The following LRP1B variants were observed in gnomAD, a reference collection of about 807,000 sequenced individuals.
LRP1B encodes LDL receptor related protein 1B.
LRP1B carries 217 observed loss-of-function variants against 556.6 expected under a neutral mutation model. The observed-to-expected ratio is 0.39, with a 90% CI of 0.35 to 0.44. The LOEUF is 0.44. LRP1B is among the 20% of genes least tolerant of loss of function. The pLI is 1.00. For synonymous variants in LRP1B, 2,047 were observed against 1,865.8 expected (o/e 1.10, Z -2.50); for missense variants, 5,053 against 5,620.8 (o/e 0.90, Z 3.23).
chr2:141,400,882 G>A (rs916600585), intron 3 of LRP1B, among the ~76,000 whole-genome samples: 1 of 152,076 alleles, frequency 6.6e-6, no homozygotes, highest in Admixed American at 6.6e-5. Flanking sequence ...CCATAATGTG[G>A]TCCGTGTTTA....
rs139002097 is a variant in LRP1B, at chr2:141,628,674, G to A, written c.206-148141C>T. On this transcript the variant is annotated intron_variant, in intron 2 of 90. Coordinates refer to ENST00000389484, the MANE Select transcript of LRP1B (RefSeq NM_018557.3). Reference sequence around the variant, plus strand: ...AGTTTCTAATTTTTTTTTGAAATAGGGTCTCACTCTGTCACCCAGGCTGGA... The same window carrying A: ...AGTTTCTAATTTTTTTTTGAAATAGAGTCTCACTCTGTCACCCAGGCTGGA... 1.7e-3 allele frequency among the ~76,000 whole-genome samples: 262 copies of A among 151,886 alleles called. 1 individual carries two copies. The highest frequency in any genetic ancestry group is 6.0e-3 in the African/African-American group (249 of 41,440).
intron 2 of LRP1B, among the ~76,000 whole-genome samples, chr2:141,746,650 A>G (rs1693924159): frequency 6.6e-6 from 1 of 152,108 alleles, no homozygotes; most frequent in Admixed American, 6.6e-5. Flanking sequence ...ATGCAGAAAA[A>G]AAAAACACCT....
intron 2 of LRP1B, among the ~76,000 whole-genome samples, chr2:141,642,847 T>C (rs1689391132): frequency 6.6e-6 from 1 of 152,164 alleles, no homozygotes; most frequent in African/African-American, 2.4e-5. Flanking sequence ...AAGGTCCATT[T>C]TGTAGCGAGT....
chr2:141,952,922 TAGA>T (rs1348921730), intron 1 of LRP1B, among the ~76,000 whole-genome samples: 1 of 152,152 alleles, frequency 6.6e-6, no homozygotes, highest in African/African-American at 2.4e-5. Flanking sequence ...TTGAGCTGTC[TAGA>T]AGATTTTTTA....
chr2:141,388,631 T>C (rs62165753), intron 3 of LRP1B, among the ~76,000 whole-genome samples: 4,966 of 152,188 alleles, frequency 0.033, 117 homozygotes, highest in Non-Finnish European at 0.049. Flanking sequence ...ACACTTCTGC[T>C]GAATGTTGTA....
intron 20 of LRP1B, among the ~76,000 whole-genome samples, chr2:140,932,407 T>C (rs1004790319): frequency 2.0e-5 from 3 of 152,130 alleles, no homozygotes; most frequent in African/African-American, 7.2e-5. Context: ...TTTGTTGACA[T>C]ATTGTCTAGG....
chr2:141,951,742 G>T (rs1296413747), intron 1 of LRP1B, among the ~76,000 whole-genome samples: 1 of 152,006 alleles, frequency 6.6e-6, no homozygotes, highest in Non-Finnish European at 1.5e-5. Flanking sequence ...ATTTATATTA[G>T]CCAGAAAGTT....
intron 3 of LRP1B, among the ~76,000 whole-genome samples, chr2:141,359,307 T>A (rs2714205): frequency 7.0e-6 from 1 of 142,542 alleles, no homozygotes; most frequent in Non-Finnish European, 1.5e-5. Flanking sequence ...TAAATACAAA[T>A]GCTATTAAAA....
intron 7 of LRP1B, among the ~76,000 whole-genome samples, chr2:141,165,715 A>T: frequency 6.6e-6 from 1 of 152,156 alleles, no homozygotes; most frequent in East Asian, 1.9e-4. Flanking sequence ...AAAACAAGCA[A>T]TTAAAAGTTC....
At chr2:141,614,179 G>A (rs1688215151) in intron 2 of LRP1B, among the ~76,000 whole-genome samples, 1 of 151,560 alleles carries the variant, frequency 6.6e-6, no homozygotes, top group South Asian at 2.1e-4. Flanking sequence ...CAGAGAGGAG[G>A]TAAATGCTGC....
intron 1 of LRP1B, among the ~76,000 whole-genome samples, chr2:141,858,746 T>C (rs1266402296): frequency 6.6e-6 from 1 of 152,218 alleles, no homozygotes; most frequent in Non-Finnish European, 1.5e-5. Flanking sequence ...TACTGTGTGC[T>C]TTGCATGCTG....
At chr2:141,267,334 T>C (rs1186625027) in intron 3 of LRP1B, among the ~76,000 whole-genome samples, 1 of 152,178 alleles carries the variant, frequency 6.6e-6, no homozygotes, top group Non-Finnish European at 1.5e-5. Context: ...CAGATTCTGA[T>C]CTAGCAAATA....
At chr2:140,284,287 A>G (rs910762784) in intron 84 of LRP1B, among the ~76,000 whole-genome samples, 2 of 149,484 alleles carry the variant, frequency 1.3e-5, no homozygotes, top group African/African-American at 4.9e-5. Context: ...TAACAAATAC[A>G]TGGCTTCCCC....
intron 2 of LRP1B, among the ~76,000 whole-genome samples, chr2:141,787,464 T>A (rs1695463341): frequency 6.6e-6 from 1 of 151,940 alleles, no homozygotes; most frequent in African/African-American, 2.4e-5. Context: ...AAATGCATTA[T>A]GCTGTGTGAA....
chr2:142,031,330 A>ATTTTTTTTTTTTTTTTTT (rs560363480), intron 1 of LRP1B, among the ~76,000 whole-genome samples: 61 of 116,988 alleles, frequency 5.2e-4, no homozygotes, highest in Non-Finnish European at 6.3e-4. Context: ...GATTATACTT[A>ATTTTTTTTTTTTTTTTTT]TTTTTTTTTT....
intron 50 of LRP1B, among the ~76,000 whole-genome samples, chr2:140,515,898 C>G (rs1331157760): frequency 6.6e-6 from 1 of 152,010 alleles, no homozygotes; most frequent in Admixed American, 6.6e-5. Flanking sequence ...CTTTTTTCTA[C>G]TCTATCTATT....
At chr2:141,929,822 A>G (rs988849063) in intron 1 of LRP1B, among the ~76,000 whole-genome samples, 5 of 150,402 alleles carry the variant, frequency 3.3e-5, no homozygotes, top group African/African-American at 1.2e-4. Flanking sequence ...ACTGAGCACA[A>G]GGTTAACATC....
At chr2:141,020,814 G>T (rs1296324278) in intron 11 of LRP1B, among the ~76,000 whole-genome samples, 1 of 151,838 alleles carries the variant, frequency 6.6e-6, no homozygotes, top group Non-Finnish European at 1.5e-5. Flanking sequence ...TATAAAGGGG[G>T]GGTAACTAAA....
At chr2:140,348,831 T>C (rs931493900) in intron 77 of LRP1B, among the ~76,000 whole-genome samples, 1 of 152,100 alleles carries the variant, frequency 6.6e-6, no homozygotes, top group African/African-American at 2.4e-5. Flanking sequence ...TGAATTTGGC[T>C]TCTAATCTAC....
Sources: allele counts gnomAD v4.1 joint callset (sites outside exome capture counted in the v4.1 genomes callset), GRCh38; gene constraint gnomAD v4.1.1; transcripts MANE v1.5; gene names NCBI Gene and HGNC (gene_info 2026-07-23, HGNC 2026-07-21).